The following COL4A2 variants were observed in gnomAD, a reference collection of about 807,000 sequenced individuals.
The protein encoded by COL4A2 is collagen alpha-2(IV) chain.
COL4A2 carries 99 observed loss-of-function variants against 200.2 expected under a neutral mutation model. The ratio of observed to expected loss-of-function variants is 0.49; its 90% CI spans 0.42 to 0.58. The LOEUF (loss-of-function observed/expected upper bound fraction) is 0.58. Among genes scored for constraint, COL4A2 ranks in the 20% least tolerant of loss-of-function variants. The pLI is 0.00. For missense variants in COL4A2, 1,950 were observed against 2,314.1 expected (o/e 0.84, Z 3.23); for synonymous variants, 897 against 900.6 (o/e 1.00, Z 0.07).
chr13:110,340,420 T>TG (rs1245684646), intron 3 of COL4A2, among the ~76,000 whole-genome samples: 1 of 152,196 alleles, frequency 6.6e-6, no homozygotes, highest in African/African-American at 2.4e-5. Context: ...TCATGTAAGC[T>TG]GACTACAAAT....
intron 3 of COL4A2, among the ~76,000 whole-genome samples, chr13:110,324,748 T>G (rs912339659): frequency 1.4e-4 from 21 of 152,306 alleles, no homozygotes; most frequent in African/African-American, 4.3e-4. Flanking sequence ...GTTTCTGCCT[T>G]GAGTGGTTGC....
At chr13:110,485,955 G>A in intron 34 of COL4A2, 119 bp downstream of exon 34, 2 of 1,475,292 alleles carry the variant, frequency 1.4e-6, no homozygotes, top group East Asian at 2.5e-5. Context: ...GTTCAGGGCA[G>A]CCTCAGGCTT....
In COL4A2 at chr13:110,360,797, C is replaced by T. The variant is rs541297375; in HGVS notation, c.180+3245C>T. Among the ~76,000 whole-genome samples, 6 of 143,278 alleles carry T rather than the reference C, an allele frequency of 4.2e-5. No individual in the cohort carries two copies. In the East Asian group the frequency reaches 9.7e-4, roughly 23 times the overall value. The allele number at this position is 143,278 out of a possible 152,430, so 94.0% of individuals were successfully genotyped here. On this transcript the variant is annotated intron_variant, in intron 4 of 47. Coordinates refer to ENST00000360467, the MANE Select transcript of COL4A2 (RefSeq NM_001846.4). ...AGAGGCAAACGATACCCGCCCCCCA[C>T]CCCGGGGCCTGGACTGTGGGATCCA...
At chr13:110,337,152 G>T (rs1876230450) in intron 3 of COL4A2, among the ~76,000 whole-genome samples, 1 of 152,358 alleles carries the variant, frequency 6.6e-6, no homozygotes, top group Middle Eastern at 3.4e-3. Flanking sequence ...CAATCCGTAA[G>T]CCTGTAGGCC....
chr13:110,310,640 A>G (rs1264578159), intron 3 of COL4A2, among the ~76,000 whole-genome samples: 1 of 152,000 alleles, frequency 6.6e-6, no homozygotes, highest in African/African-American at 2.4e-5. Flanking sequence ...TTTCAACTGT[A>G]TTGATTAAAG....
chr13:110,464,024 C>G (rs752191107), intron 24 of COL4A2, among the ~76,000 whole-genome samples: 1 of 152,046 alleles, frequency 6.6e-6, no homozygotes, highest in Non-Finnish European at 1.5e-5. Flanking sequence ...TTGGCCTGTT[C>G]AGTGTCATGT....
chr13:110,502,860 T>C, intron 41 of COL4A2: 1 of 412,712 alleles, frequency 2.4e-6, no homozygotes, highest in Non-Finnish European at 4.3e-6. Context: ...GATTTCAGTT[T>C]AGGATGAGAA....
Position 110,501,650 on chromosome 13 carries a change from T to C in COL4A2, c.3761-18T>C, listed in dbSNP as rs1883646125. On this transcript the variant is annotated intron_variant, in intron 40 of 47. Coordinates refer to ENST00000360467, the MANE Select transcript of COL4A2 (RefSeq NM_001846.4). Reference sequence around the variant, plus strand: ...GGGTGCTAACGCTGAAAATAATTTCTTCTGTTTTCATCCTAAGGGGAACGA... The same window carrying C: ...GGGTGCTAACGCTGAAAATAATTTCCTCTGTTTTCATCCTAAGGGGAACGA... 1.3e-6 allele frequency: 2 copies of C among 1,594,590 alleles called. No individual in the cohort carries two copies. The highest frequency in any genetic ancestry group is 2.2e-5 in the East Asian group (1 of 44,780).
At chr13:110,423,445 C>T (rs1318254957) in intron 4 of COL4A2, among the ~76,000 whole-genome samples, 1 of 151,796 alleles carries the variant, frequency 6.6e-6, no homozygotes, top group Non-Finnish European at 1.5e-5. Context: ...GTGGGTGGGT[C>T]GGGGGGAGGG....
chr13:110,362,727 G>C (rs1017918787), intron 4 of COL4A2, among the ~76,000 whole-genome samples: 6 of 152,192 alleles, frequency 3.9e-5, no homozygotes, highest in East Asian at 1.9e-4. Context: ...ATTTCTGTCA[G>C]AGTTATCAGC....
intron 3 of COL4A2, among the ~76,000 whole-genome samples, chr13:110,333,619 C>T (rs1345718703): frequency 6.6e-6 from 1 of 152,214 alleles, no homozygotes; most frequent in Non-Finnish European, 1.5e-5. Context: ...CGACCTACTG[C>T]ACCTGAGATG....
rs367659520 is a variant in COL4A2, at chr13:110,507,567, G to A, written c.4595-368G>A. ...GACTCCTTCTGGGGTGGCTCCTTGG[G>A]GTCAAAGAGCGACCCCTTGGAGGCC... On this transcript the variant is annotated intron_variant, in intron 46 of 47. Coordinates refer to ENST00000360467, the MANE Select transcript of COL4A2 (RefSeq NM_001846.4). 5.4e-5 allele frequency: 15 copies of A among 278,666 alleles called. No homozygotes were observed. The East Asian group carries it at 9.8e-4, about 18-fold the overall frequency. 17.3% of individuals were successfully genotyped at this position (278,666 alleles called of 1,614,324 possible). A position where few individuals can be genotyped will look rare whatever the true frequency, so the allele number is the denominator to read the frequency against.
intron 4 of COL4A2, among the ~76,000 whole-genome samples, chr13:110,394,232 A>G (rs1879105050): frequency 6.6e-6 from 1 of 152,202 alleles, no homozygotes; most frequent in Admixed American, 6.5e-5. Flanking sequence ...TTTCTGCCAG[A>G]CACTGTTTTG....
At chr13:110,386,946 TG>T (rs1878773407) in intron 4 of COL4A2, among the ~76,000 whole-genome samples, 1 of 152,096 alleles carries the variant, frequency 6.6e-6, no homozygotes, top group Non-Finnish European at 1.5e-5. Flanking sequence ...CTCACTTAAA[TG>T]GAGCGACTGA....
chr13:110,379,663 A>C (rs994308050), intron 4 of COL4A2, among the ~76,000 whole-genome samples: 1 of 152,124 alleles, frequency 6.6e-6, no homozygotes, highest in Admixed American at 6.5e-5. Flanking sequence ...AGTACTCCCC[A>C]TGGACCCCCA....
intron 22 of COL4A2, chr13:110,459,640 T>G (rs1881940571): frequency 6.6e-6 from 1 of 152,226 alleles, no homozygotes; most frequent in Non-Finnish European, 1.5e-5. Flanking sequence ...GAAGATGTTC[T>G]GAAATTAGAT....
chr13:110,358,422 A>G (rs1877379237), intron 4 of COL4A2, among the ~76,000 whole-genome samples: 1 of 152,300 alleles, frequency 6.6e-6, no homozygotes, highest in South Asian at 2.1e-4. Context: ...GCCTGAGGCT[A>G]TTTTACAGTT....
Position 110,506,481 on chromosome 13 carries a change from A to C in COL4A2, c.4469A>C (p.Tyr1490Ser). ...GMPGRSVSIG[Y>S]LLVKHSQTDQ... ...CCAGGCCGCAGCGTCAGCATCGGCT[A>C]CCTCCTGGTGAAGCACAGCCAGACG... is the stretch of plus-strand genomic sequence containing the variant. The change falls in exon 46 of 48, where the codon TAC (tyrosine) becomes TCC (serine). Residue 1490 changes from tyrosine to serine, a missense_variant. Tyr to Ser is a moderately radical substitution (Grantham distance 144). Coordinates refer to ENST00000360467, the MANE Select transcript of COL4A2 (RefSeq NM_001846.4). 6.2e-7 allele frequency: 1 copy of C among 1,612,464 alleles called. No homozygotes were observed. The highest frequency in any genetic ancestry group is 8.5e-7 in the Non-Finnish European group (1 of 1,179,736).
chr13:110,396,196 C>A (rs573791683), intron 4 of COL4A2, among the ~76,000 whole-genome samples: 9 of 152,328 alleles, frequency 5.9e-5, no homozygotes, highest in Non-Finnish European at 1.0e-4. Flanking sequence ...CTTGTATTAG[C>A]GTGCTGCATT....
Sources: gnomAD v4.1 joint callset for allele counts (sites outside exome capture counted in the v4.1 genomes callset) on GRCh38, gnomAD v4.1.1 for gene constraint, MANE v1.5 for transcripts, NCBI Gene and HGNC (gene_info 2026-07-23, HGNC 2026-07-21) for gene names.